The following MAL variants were observed in gnomAD, a reference collection of about 807,000 sequenced individuals.
MAL encodes the protein mal, T cell differentiation protein (MAL blood group).
In MAL, 5 loss-of-function variants were observed where a neutral mutation model predicts 16.7. The ratio of observed to expected loss-of-function variants is 0.30; its 90% confidence interval spans 0.16 to 0.63. The LOEUF is 0.63. MAL is among the 30% of genes least tolerant of loss of function. The probability of loss-of-function intolerance (pLI) is 0.82; values close to 1 mark genes in which losing one functional copy is unlikely to be tolerated. For synonymous variants in MAL, 96 were observed against 85.5 expected, an observed-to-expected ratio of 1.12 and a Z score of -0.67; for missense variants, 202 against 195.8, an observed-to-expected ratio of 1.03 and a Z score of -0.19.
chr2:95,028,403 G>T (rs1485019989), intron 1 of MAL, among the ~76,000 whole-genome samples: 1 of 152,154 alleles, frequency 6.6e-6, no homozygotes, highest in Non-Finnish European at 1.5e-5. Flanking sequence ...ACACCCATTA[G>T]GATGGCTACT....
intron 1 of MAL, chr2:95,026,788 G>A (rs1673952265): frequency 6.6e-6 from 1 of 152,206 alleles, no homozygotes; most frequent in Non-Finnish European, 1.5e-5. Context: ...CCGCCTGAGG[G>A]ACACCTTTTC....
rs759806636 is a variant in MAL, at chr2:95,047,961, C to G, written c.96C>G (p.Ile32Met). 1 of 1,613,306 alleles carries G rather than the reference C, an allele frequency of 6.2e-7. No homozygotes were observed. Among genetic ancestry groups the G allele is most frequent in the Non-Finnish European group, 8.5e-7 (1 of 1,179,622 alleles). The change falls in exon 2 of 4, where the codon ATC becomes ATG. Residue 32 changes from isoleucine to methionine, a missense_variant and splice_region_variant. By Grantham distance (10) the Ile-to-Met change is conservative. Transcript: ENST00000309988. ...LPDLLFIFEF[I>M]FGGLVWILVA... The stretch of plus-strand genomic sequence containing the variant: ...TCACCCCTCCTCCTCCCCCGCAGAT[C>G]TTCGGGGGCCTGGTGTGGATCCTGG...
rs777212629 is a variant in MAL, at chr2:95,048,140, A to C, written c.261+14A>C. ...TGGGTCACCTTGGTGAGTCCAGCCCAGGGTGGCTGCTGGTTGTAGGGGGGC... is the reference window on the plus strand; with the variant it reads ...TGGGTCACCTTGGTGAGTCCAGCCCCGGGTGGCTGCTGGTTGTAGGGGGGC... On this transcript the variant is annotated intron_variant, in intron 2 of 3. Coordinates refer to ENST00000309988, the MANE Select transcript of MAL (RefSeq NM_002371.4). 2.5e-6 allele frequency: 4 copies of C among 1,604,000 alleles called. No individual in the cohort carries two copies. Among genetic ancestry groups the C allele is most frequent in the Non-Finnish European group, 3.4e-6 (4 of 1,170,964 alleles).
chr2:95,049,720 C>T lies in MAL; in HGVS notation c.387+14C>T. ...ATTGCTGCCGTGGTGAGTCCGGGCA[C>T]CTGGGGCTGTGTCCACAGCGGGCGG... On this transcript the variant is annotated intron_variant, in intron 3 of 3. Coordinates refer to ENST00000309988, the MANE Select transcript of MAL (RefSeq NM_002371.4). 2 of 1,614,028 alleles carry T rather than the reference C, an allele frequency of 1.2e-6. No individual in the cohort carries two copies. Among genetic ancestry groups the T allele is most frequent in the Non-Finnish European group, 8.5e-7 (1 of 1,179,976 alleles).
intron 3 of MAL, chr2:95,053,133 A>G: frequency 2.3e-6 from 1 of 429,610 alleles, no homozygotes; most frequent in East Asian, 3.3e-5. Context: ...ATGCTGGGTG[A>G]TAGTGGAGAG....
At chr2:95,039,208 CTGAGTGAG>C (rs200015609) in intron 1 of MAL, among the ~76,000 whole-genome samples, 2 of 82,704 alleles carry the variant, frequency 2.4e-5, no homozygotes, top group Non-Finnish European at 5.1e-5. Flanking sequence ...GAGTGAGTGA[CTGAGTGAG>C]TGAGTGAGTG....
At chr2:95,029,887 G>A (rs1674034190) in intron 1 of MAL, among the ~76,000 whole-genome samples, 1 of 152,192 alleles carries the variant, frequency 6.6e-6, no homozygotes, top group South Asian at 2.1e-4. Context: ...AGTCGCCATT[G>A]TTCCTCATCA....
intron 1 of MAL, among the ~76,000 whole-genome samples, chr2:95,029,812 C>T (rs1368750562): frequency 6.6e-6 from 1 of 152,186 alleles, no homozygotes; most frequent in African/African-American, 2.4e-5. Context: ...AAAGATGGTC[C>T]TCCTGATTGT....
chr2:95,046,782 G>A (rs904708157), intron 1 of MAL, among the ~76,000 whole-genome samples: 8 of 151,178 alleles, frequency 5.3e-5, no homozygotes, highest in African/African-American at 1.9e-4. Flanking sequence ...TCCTGGACTT[G>A]GGAATATAAA....
chr2:95,036,993 GTGAA>G (rs1294983988), intron 1 of MAL, among the ~76,000 whole-genome samples: 2 of 151,586 alleles, frequency 1.3e-5, no homozygotes, highest in Admixed American at 6.6e-5. Context: ...GACTGAGTGA[GTGAA>G]TGAGTGACTG....
chr2:95,049,526 C>A, intron 2 of MAL, 55 bp from the exon 3 acceptor site: 1 of 1,604,326 alleles, frequency 6.2e-7, no homozygotes, highest in South Asian at 1.1e-5. Context: ...CTCAGCTCTG[C>A]ATCTGGGCCC....
intron 1 of MAL, among the ~76,000 whole-genome samples, chr2:95,047,226 A>C (rs1674611723): frequency 6.6e-6 from 1 of 152,164 alleles, no homozygotes; most frequent in Non-Finnish European, 1.5e-5. Context: ...GACAATACCA[A>C]ATGGCATAAA....
intron 1 of MAL, 73 bp from the exon 2 acceptor site, chr2:95,047,885 AC>A: frequency 1.4e-6 from 2 of 1,471,318 alleles, no homozygotes; most frequent in Non-Finnish European, 1.8e-6. Context: ...ACCCCATGTG[AC>A]CGCTGGTCGG....
At chr2:95,045,939 G>A (rs983802044) in intron 1 of MAL, among the ~76,000 whole-genome samples, 9 of 152,180 alleles carry the variant, frequency 5.9e-5, no homozygotes, top group Non-Finnish European at 7.3e-5. Context: ...ATTTTTGTAA[G>A]ATGCACAGTG....
intron 1 of MAL, among the ~76,000 whole-genome samples, chr2:95,041,020 C>T (rs1674449666): frequency 6.6e-6 from 1 of 152,170 alleles, no homozygotes; most frequent in African/African-American, 2.4e-5. Context: ...TGGTTCATGT[C>T]TTGATGTGTC....
chr2:95,043,867 G>A (rs777818570), intron 1 of MAL, among the ~76,000 whole-genome samples: 3 of 152,226 alleles, frequency 2.0e-5, no homozygotes, highest in Non-Finnish European at 4.4e-5. Flanking sequence ...TCCCCTGGGA[G>A]CAAACCCCTG....
At chr2:95,030,324 G>C (rs1674046751) in intron 1 of MAL, among the ~76,000 whole-genome samples, 1 of 152,208 alleles carries the variant, frequency 6.6e-6, no homozygotes, top group South Asian at 2.1e-4. Flanking sequence ...TATAGGCCAA[G>C]GGTGAAATAG....
intron 1 of MAL, among the ~76,000 whole-genome samples, chr2:95,027,850 GT>G (rs1456193718): frequency 6.6e-6 from 1 of 152,108 alleles, no homozygotes; most frequent in African/African-American, 2.4e-5. Flanking sequence ...TACTCGAGAG[GT>G]TTTTTTAATT....
rs1343477092 is a variant in MAL, at chr2:95,039,447, AGTGAGTGAGTGAGTGG to A, written c.94-8497_94-8482del. Among the ~76,000 whole-genome samples, 1,076 of 149,806 alleles carry A rather than the reference AGTGAGTGAGTGAGTGG, an allele frequency of 7.2e-3. 36 individuals are homozygous for A. Among genetic ancestry groups the A allele is most frequent in the Admixed American group, 0.049 (728 of 14,946 alleles). On this transcript the variant is annotated intron_variant, in intron 1 of 3. Transcript: ENST00000309988. ...GAGTGACTGAGTGACTGAGTGAGTG[AGTGAGTGAGTGAGTGG>A]GTGAGTGAGTGAGTAAGTGACTGAG...
Sources: gnomAD v4.1 joint callset for allele counts (sites outside exome capture counted in the v4.1 genomes callset) on GRCh38, gnomAD v4.1.1 for gene constraint, MANE v1.5 for transcripts, NCBI Gene and HGNC (gene_info 2026-07-23, HGNC 2026-07-21) for gene names.